The following STT3A variants were observed in gnomAD, a reference collection of about 807,000 sequenced individuals.
STT3A encodes dolichyl-diphosphooligosaccharide--protein glycosyltransferase subunit STT3A.
Under a neutral mutation model 89.2 loss-of-function variants are expected in STT3A, and 34 were observed. That is an observed-to-expected ratio of 0.38 (90% CI 0.29 to 0.51). STT3A has a LOEUF of 0.51. Among genes scored for constraint, STT3A ranks in the 20% least tolerant of loss-of-function variants. The pLI is 0.89. For missense variants in STT3A, 555 were observed against 889.5 expected, an observed-to-expected ratio of 0.62 and a Z score of 4.78; for synonymous variants, 282 against 310.3, an observed-to-expected ratio of 0.91 and a Z score of 0.96.
chr11:125,592,649 G>A (rs1939338745), upstream of STT3A: 3 of 370,626 alleles, frequency 8.1e-6, no homozygotes, highest in Non-Finnish European at 1.1e-5. Context: ...GCCGGCCTAT[G>A]ACAGCTCGGC....
chr11:125,602,442 G>GA lies in STT3A; in HGVS notation c.271+18_271+19insA. 7.9e-7 allele frequency: 1 copy of GA among 1,267,922 alleles called. No homozygotes were observed. Among genetic ancestry groups the GA allele is most frequent in the Non-Finnish European group, 1.1e-6 (1 of 945,968 alleles). 78.5% of individuals were successfully genotyped at this position (1,267,922 alleles called of 1,614,324 possible). On this transcript the variant is annotated intron_variant, in intron 4 of 17. Coordinates refer to ENST00000392708, the MANE Select transcript of STT3A (RefSeq NM_152713.5). ...TTACCCAGGTGAGGAGACCAGATGT[G>GA]TTTTTTTTTTTAAAAAAAAAACAGA...
chr11:125,606,709 G>A (rs1340953552), intron 8 of STT3A, among the ~76,000 whole-genome samples: 4 of 152,172 alleles, frequency 2.6e-5, no homozygotes, highest in African/African-American at 4.8e-5. Context: ...TTTGTGGGAA[G>A]GGGAGGGATA....
intron 15 of STT3A, among the ~76,000 whole-genome samples, chr11:125,616,034 A>G (rs1349165503): frequency 1.3e-5 from 2 of 151,656 alleles, no homozygotes; most frequent in Non-Finnish European, 3.0e-5. Context: ...GCGAGACTCC[A>G]TCTCAAAAAA....
In STT3A at chr11:125,603,258, A is replaced by G. The variant is rs982275512; in HGVS notation, c.417+310A>G. ...AAGTCCTCACAATGTAAGGGAGAGGAAAAAAAAACTACATGAAACATTCCA... is the reference window on the plus strand; with the variant it reads ...AAGTCCTCACAATGTAAGGGAGAGGGAAAAAAAACTACATGAAACATTCCA... On this transcript the variant is annotated intron_variant, in intron 5 of 17. Transcript: ENST00000392708. 96 of 225,716 alleles carry G rather than the reference A, an allele frequency of 4.3e-4. 2 individuals carry two copies. The highest frequency in any genetic ancestry group is 2.5e-4 in the African/African-American group (11 of 44,072). 14.0% of individuals were successfully genotyped at this position (225,716 alleles called of 1,614,324 possible). A position where few individuals can be genotyped will look rare whatever the true frequency, so the allele number is the denominator to read the frequency against.
intron 8 of STT3A, among the ~76,000 whole-genome samples, chr11:125,607,063 A>G (rs539530386): frequency 2.5e-4 from 38 of 152,220 alleles, no homozygotes; most frequent in Non-Finnish European, 5.0e-4. Context: ...ATGGTGTGAA[A>G]GTGATCTGCA....
chr11:125,614,481 A>G lies in STT3A; in HGVS notation c.1774+55A>G, dbSNP rs1940117404. 3 of 1,471,228 alleles carry G rather than the reference A, an allele frequency of 2.0e-6. No homozygotes were observed. The Admixed American group carries it at 5.4e-5, about 26-fold the overall frequency. The allele number at this position is 1,471,228 out of a possible 1,614,324, so 91.1% of individuals were successfully genotyped here. ...AGGACATAGATTCTAAGAAAACTAGATGAATATCCTAGTTTTCTGTACTTT... is the reference window on the plus strand; with the variant it reads ...AGGACATAGATTCTAAGAAAACTAGGTGAATATCCTAGTTTTCTGTACTTT... On this transcript the variant is annotated intron_variant, in intron 15 of 17. Coordinates refer to ENST00000392708, the MANE Select transcript of STT3A (RefSeq NM_152713.5). The surrounding 1 kb of genome is among the most constrained non-coding windows in gnomAD (Gnocchi z 4.9).
chr11:125,596,471 A>T (rs577405316), intron 2 of STT3A, among the ~76,000 whole-genome samples: 20 of 152,206 alleles, frequency 1.3e-4, no homozygotes, highest in Admixed American at 3.9e-4. Context: ...TCTCAAAAAA[A>T]AGAGGGCTGT....
At chr11:125,605,538 A>C in intron 6 of STT3A, 91 bp from the exon 7 acceptor site, 1 of 844,088 alleles carries the variant, frequency 1.2e-6, no homozygotes, top group Non-Finnish European at 1.9e-6. Flanking sequence ...ATTACTTGGT[A>C]GTAGATCCAG....
At chr11:125,592,543 T>C, upstream of STT3A, 2 of 452,214 alleles carry the variant, frequency 4.4e-6, no homozygotes, top group South Asian at 3.1e-5. Context: ...GCCTTCCCAC[T>C]GCGACTCCCC....
Position 125,614,435 on chromosome 11 carries a change from C to T in STT3A, c.1774+9C>T. 1 of 1,610,892 alleles carries T rather than the reference C, an allele frequency of 6.2e-7. No homozygotes were observed. The highest frequency in any genetic ancestry group is 8.5e-7 in the Non-Finnish European group (1 of 1,177,240). On this transcript the variant is annotated intron_variant, in intron 15 of 17. Transcript: ENST00000392708. This position sits in a 1 kb window ranked among gnomAD's most constrained non-coding sequence, Gnocchi z 4.9. ...TGGGTATTCCTCTGATGGTAATATACTTGATTCTGTTTCTAGCTGCAGGAC... is the reference window on the plus strand; with the variant it reads ...TGGGTATTCCTCTGATGGTAATATATTTGATTCTGTTTCTAGCTGCAGGAC...
intron 15 of STT3A, among the ~76,000 whole-genome samples, chr11:125,616,438 G>A (rs905407359): frequency 3.3e-5 from 5 of 152,254 alleles, no homozygotes; most frequent in Non-Finnish European, 7.4e-5. Flanking sequence ...TTTGATTAGA[G>A]GTTTGTTGAA....
chr11:125,605,774 T>C (rs571856484), intron 7 of STT3A, 39 bp downstream of exon 7: 1 of 1,532,966 alleles, frequency 6.5e-7, no homozygotes, highest in East Asian at 2.3e-5. Context: ...TAAAGTTCTC[T>C]AAATACTGTA....
intron 3 of STT3A, among the ~76,000 whole-genome samples, chr11:125,599,378 T>C (rs1320017005): frequency 1.3e-5 from 2 of 152,198 alleles, no homozygotes; most frequent in African/African-American, 2.4e-5. Context: ...GTAATTAAAC[T>C]GTCTCTAGTT....
chr11:125,604,347 T>A, intron 6 of STT3A, 100 bp downstream of exon 6: 1 of 1,157,414 alleles, frequency 8.6e-7, no homozygotes, highest in South Asian at 1.4e-5. Flanking sequence ...AAATGGTAAC[T>A]GGGTGAGAAT....
At position 125,610,960 on chromosome 11, in the gene STT3A, T is replaced by G. The variant is rs76167178; in HGVS notation, c.1118-468T>G. The G allele has an allele frequency of 9.5e-3, 1,446 of 152,778 alleles. 62 individuals are homozygous for G. The highest frequency in any genetic ancestry group is 0.074 in the Admixed American group (1,139 of 15,346). The allele number at this position is 152,778 out of a possible 1,614,324, so 9.5% of individuals were successfully genotyped here. On this transcript the variant is annotated intron_variant, in intron 10 of 17. Transcript: ENST00000392708. ...TACCCATCTCTAGCCACTGTTAACA[T>G]TTTGATGTATATTTATCAAATAAGA...
intron 4 of STT3A, among the ~76,000 whole-genome samples, 156 bp downstream of exon 4, chr11:125,602,580 A>G (rs1939718330): frequency 6.6e-6 from 1 of 152,156 alleles, no homozygotes; most frequent in African/African-American, 2.4e-5. Flanking sequence ...CATAAACAGG[A>G]GTACATTTGT....
intron 17 of STT3A, among the ~76,000 whole-genome samples, chr11:125,620,370 A>C (rs1940313772): frequency 2.0e-5 from 3 of 152,170 alleles, no homozygotes; most frequent in African/African-American, 7.2e-5. Context: ...GGGCTTGACT[A>C]AACCAGTTTC....
intron 1 of STT3A, chr11:125,594,878 C>T (rs1280722149): frequency 6.6e-6 from 1 of 152,068 alleles, no homozygotes; most frequent in Non-Finnish European, 1.5e-5. Flanking sequence ...ACAGAGAAGC[C>T]TTGAGACAGA....
In STT3A at chr11:125,605,649, C is replaced by G; in HGVS notation, c.529C>G (p.Leu177Val). 1 of 1,613,968 alleles carries G rather than the reference C, an allele frequency of 6.2e-7. No homozygotes were observed. Among genetic ancestry groups the G allele is most frequent in the Non-Finnish European group, 8.5e-7 (1 of 1,179,926 alleles). The change falls in exon 7 of 18, where the codon CTA becomes GTA. Residue 177 changes from leucine to valine, a missense_variant. Transcript: ENST00000392708. Reference sequence around the variant, plus strand: ...TGCAGGGATTGCCATCTTTTGCATGCTACTCACCTACTACATGTGGATCAA... The same window carrying G: ...TGCAGGGATTGCCATCTTTTGCATGGTACTCACCTACTACATGTGGATCAA... ...DNEGIAIFCM[L>V]LTYYMWIKAV...
Sources: gnomAD v4.1 joint callset for allele counts (sites outside exome capture counted in the v4.1 genomes callset) on GRCh38, gnomAD v4.1.1 for gene constraint, Gnocchi (gnomAD v3.1) non-coding constraint, MANE v1.5 for transcripts, NCBI Gene and HGNC (gene_info 2026-07-23, HGNC 2026-07-21) for gene names.